Variants in CCDC12 observed in about 807,000 individuals in gnomAD.
CCDC12 encodes coiled-coil domain containing 12.
Under a neutral mutation model 25.7 loss-of-function variants are expected in CCDC12, and 28 were observed. That is an observed-to-expected ratio of 1.09 (90% CI 0.81 to 1.50). The LOEUF (loss-of-function observed/expected upper bound fraction) is 1.50. Among genes scored for constraint, CCDC12 ranks in the 40% most tolerant of loss-of-function variants. The pLI is 0.00. For synonymous variants in CCDC12, 75 were observed against 87.7 expected (o/e 0.86, Z 0.81); for missense variants, 198 against 210.0 (o/e 0.94, Z 0.35).
At chr3:46,929,035 T>C (rs2033097465) in intron 2 of CCDC12, among the ~76,000 whole-genome samples, 1 of 152,166 alleles carries the variant, frequency 6.6e-6, no homozygotes. Flanking sequence ...ATATTGACTG[T>C]ATAAAAGAGT....
At chr3:46,980,397 G>A (rs1048701981), upstream of CCDC12, among the ~76,000 whole-genome samples, 3 of 152,088 alleles carry the variant, frequency 2.0e-5, no homozygotes, top group Non-Finnish European at 4.4e-5. Context: ...AGGGAGGTGT[G>A]TGGAAGGGGA....
At chr3:46,964,257 C>A (rs1464983373) in intron 1 of CCDC12, among the ~76,000 whole-genome samples, 43 of 150,718 alleles carry the variant, frequency 2.9e-4, no homozygotes, top group African/African-American at 8.8e-4. Context: ...CCCCTCCGCC[C>A]GGCAGCCACC....
At position 46,934,067 on chromosome 3, in the gene CCDC12, G is replaced by A. The variant is rs945901882; in HGVS notation, c.164+6931C>T. On this transcript the variant is annotated intron_variant, in intron 2 of 6. Coordinates refer to ENST00000683445, the MANE Select transcript of CCDC12 (RefSeq NM_001277074.2). Reference sequence around the variant, plus strand: ...CCCAAAGTGCTGGGATTACAGGCGTGAGCCACAGCACCCGGTTGTAAATAT... The same window carrying A: ...CCCAAAGTGCTGGGATTACAGGCGTAAGCCACAGCACCCGGTTGTAAATAT... 3.9e-5 allele frequency among the ~76,000 whole-genome samples: 6 copies of A among 152,150 alleles called. No homozygotes were observed. In the East Asian group the frequency reaches 5.8e-4, roughly 15 times the overall value.
At chr3:46,979,159 C>A (rs1050259415), upstream of CCDC12, among the ~76,000 whole-genome samples, 1 of 152,196 alleles carries the variant, frequency 6.6e-6, no homozygotes, top group Non-Finnish European at 1.5e-5. Context: ...CTAAGCCTCT[C>A]TGGGATCTGG....
At chr3:46,961,970 A>C (rs2034477847) in intron 1 of CCDC12, among the ~76,000 whole-genome samples, 2 of 152,244 alleles carry the variant, frequency 1.3e-5, no homozygotes, top group African/African-American at 4.8e-5. Context: ...TAAATTCGAG[A>C]TGGGTTAGAG....
Position 46,973,613 on chromosome 3 carries a change from C to CT in CCDC12, c.96+3023dup, listed in dbSNP as rs758663577. On this transcript the variant is annotated intron_variant, in intron 1 of 6. Coordinates refer to ENST00000683445, the MANE Select transcript of CCDC12 (RefSeq NM_001277074.2). The stretch of plus-strand genomic sequence containing the variant: ...TCTGTACTCCCATGTTTCTTCTTTT[C>CT]TTTTTTTTTTTTTTTTTTGAGATGG... 5.5e-3 allele frequency among the ~76,000 whole-genome samples: 539 copies of CT among 97,920 alleles called. 8 individuals are homozygous for CT. The highest frequency in any genetic ancestry group is 0.019 in the African/African-American group (517 of 26,832). 64.2% of individuals were successfully genotyped at this position (97,920 alleles called of 152,430 possible). A position where few individuals can be genotyped will look rare whatever the true frequency, so the allele number is the denominator to read the frequency against.
chr3:46,938,527 T>TG (rs1332329363), intron 2 of CCDC12, among the ~76,000 whole-genome samples: 1 of 145,070 alleles, frequency 6.9e-6, no homozygotes, highest in East Asian at 2.0e-4. Context: ...TGTTTTTTTT[T>TG]TTTTTTTTTT....
intron 1 of CCDC12, 119 bp downstream of exon 1, chr3:46,976,518 C>A: frequency 6.9e-7 from 1 of 1,450,532 alleles, no homozygotes; most frequent in Non-Finnish European, 9.1e-7. Context: ...TGCGTTAGCG[C>A]CCGCGCATGC....
At chr3:46,967,227 T>C (rs1196497131) in intron 1 of CCDC12, among the ~76,000 whole-genome samples, 2 of 152,074 alleles carry the variant, frequency 1.3e-5, no homozygotes, top group African/African-American at 4.8e-5. Context: ...ACCCTGTCTG[T>C]GCGCACTGCC....
intron 1 of CCDC12, among the ~76,000 whole-genome samples, chr3:46,943,451 CTT>C (rs1056273000): frequency 2.0e-5 from 3 of 152,228 alleles, no homozygotes; most frequent in African/African-American, 7.2e-5. Context: ...AGAAAGGGCT[CTT>C]CTTTCCCCAC....
At chr3:46,944,233 G>A (rs1265325541) in intron 1 of CCDC12, among the ~76,000 whole-genome samples, 2 of 152,202 alleles carry the variant, frequency 1.3e-5, no homozygotes, top group Non-Finnish European at 2.9e-5. Flanking sequence ...AGCGGTAGCT[G>A]CAAGTCTGGA....
At chr3:46,922,358 G>A in intron 5 of CCDC12, 46 bp from the exon 6 acceptor site, 1 of 1,606,638 alleles carries the variant, frequency 6.2e-7, no homozygotes, top group African/African-American at 1.3e-5. Context: ...AGGCTGGCCT[G>A]ATGTGGCATT....
rs1046334107 is a variant in CCDC12 at position 46,922,649 on chromosome 3, C to T, written c.342-337G>A. 5 of 387,082 alleles carry T rather than the reference C, an allele frequency of 1.3e-5. No homozygotes were observed. In the East Asian group the frequency reaches 1.7e-4, roughly 13 times the overall value. 24.0% of individuals were successfully genotyped at this position (387,082 alleles called of 1,614,324 possible). On this transcript the variant is annotated intron_variant, in intron 5 of 6. Coordinates refer to ENST00000683445, the MANE Select transcript of CCDC12 (RefSeq NM_001277074.2). ...GTGACTTGCTCCTGCCCACTGTGGG[C>T]CCTGCTCCTCCTCCAGCCACCGGCC...
chr3:46,955,777 A>G (rs4373094), intron 1 of CCDC12, among the ~76,000 whole-genome samples: 144,788 of 152,346 alleles, frequency 0.95, 69,260 homozygotes, highest in East Asian at 1. Flanking sequence ...GCTGGATGTG[A>G]GTTAGGAGAG....
At chr3:46,951,826 T>TATATATATATAA (rs1460071732) in intron 1 of CCDC12, among the ~76,000 whole-genome samples, 6 of 35,728 alleles carry the variant, frequency 1.7e-4, no homozygotes, top group Non-Finnish European at 4.4e-4. Context: ...TATATATACT[T>TATATATATATAA]AATGAGGATC....
intron 2 of CCDC12, among the ~76,000 whole-genome samples, chr3:46,932,847 C>T (rs958377954): frequency 1.3e-5 from 2 of 152,238 alleles, no homozygotes; most frequent in Non-Finnish European, 2.9e-5. Flanking sequence ...GGCCACCTCT[C>T]GAGACCACCC....
intron 2 of CCDC12, among the ~76,000 whole-genome samples, chr3:46,928,340 C>T (rs1233303466): frequency 6.6e-6 from 1 of 152,168 alleles, no homozygotes; most frequent in Non-Finnish European, 1.5e-5. Flanking sequence ...AAGGGAAGTA[C>T]AACAAAGTGA....
rs115084259 is a variant in CCDC12, at chr3:46,961,966, C to A, written c.96+14671G>T. On this transcript the variant is annotated intron_variant, in intron 1 of 6. Transcript: ENST00000683445. Reference sequence around the variant, plus strand: ...TACGCACACCACACAAAAGTAAATTCGAGATGGGTTAGAGGTCTAAAGGTT... The same window carrying A: ...TACGCACACCACACAAAAGTAAATTAGAGATGGGTTAGAGGTCTAAAGGTT... 5.7e-3 allele frequency among the ~76,000 whole-genome samples: 865 copies of A among 152,136 alleles called. 9 individuals carry two copies. The highest frequency in any genetic ancestry group is 0.02 in the African/African-American group (826 of 41,486).
At chr3:46,939,996 TGAAGGAAGCTGCTCAGAGC>T (rs2033632880) in intron 2 of CCDC12, among the ~76,000 whole-genome samples, 1 of 152,032 alleles carries the variant, frequency 6.6e-6, no homozygotes, top group African/African-American at 2.4e-5. Flanking sequence ...CCCCTGTGCC[TGAAGGAAGCTGCTCAGAGC>T]AAAGGAAATC....
Sources: gnomAD v4.1 joint callset for allele counts (sites outside exome capture counted in the v4.1 genomes callset) on GRCh38, gnomAD v4.1.1 for gene constraint, MANE v1.5 for transcripts, NCBI Gene and HGNC (gene_info 2026-07-23, HGNC 2026-07-21) for gene names.